The following SLC6A17 variants were observed in gnomAD, a reference collection of about 807,000 sequenced individuals.
SLC6A17 encodes sodium-dependent neutral amino acid transporter SLC6A17.
SLC6A17 carries 21 observed loss-of-function variants against 64.5 expected under a neutral mutation model. That is an observed-to-expected ratio of 0.33 (90% confidence interval 0.23 to 0.47). SLC6A17 has a LOEUF of 0.47. Ranked by LOEUF, SLC6A17 falls within the 20% of genes least tolerant of loss-of-function variation. The pLI, the probability that SLC6A17 is intolerant of heterozygous loss-of-function variation, is 1.00. For synonymous variants in SLC6A17, 372 were observed against 399.5 expected (o/e 0.93, Z 0.82); for missense variants, 682 against 963.2 (o/e 0.71, Z 3.86).
intron 11 of SLC6A17, 54 bp downstream of exon 11, chr1:110,197,653 A>C: frequency 6.6e-7 from 1 of 1,512,558 alleles, no homozygotes; most frequent in South Asian, 1.3e-5. Flanking sequence ...CAGGCCTTGA[A>C]TGCAACCACT....
At chr1:110,190,958 T>C (rs1656809867) in intron 6 of SLC6A17, among the ~76,000 whole-genome samples, 1 of 152,192 alleles carries the variant, frequency 6.6e-6, no homozygotes, top group Non-Finnish European at 1.5e-5. Flanking sequence ...TTTAAAAACA[T>C]GAATAGTAAT....
intron 1 of SLC6A17, among the ~76,000 whole-genome samples, chr1:110,159,271 G>T (rs1655837368): frequency 1.3e-5 from 2 of 151,944 alleles, no homozygotes. Flanking sequence ...TGCATGGGTT[G>T]GGGGGGTGCT....
Position 110,199,391 on chromosome 1 carries a change from C to T in SLC6A17, c.*947C>T, listed in dbSNP as rs1177243325. ...TGGTTTGGAGCACAATGGTGAAGCA[C>T]ACTCCCCTCCCTCCTCACCTGGGGT... On this transcript the variant is annotated 3_prime_UTR_variant, in exon 12 of 12. Transcript: ENST00000331565. 2.6e-5 allele frequency: 4 copies of T among 152,372 alleles called. No individual in the cohort carries two copies. Among genetic ancestry groups the T allele is most frequent in the Non-Finnish European group, 4.4e-5 (3 of 68,142 alleles). 9.4% of individuals were successfully genotyped at this position (152,372 alleles called of 1,614,324 possible).
At chr1:110,172,029 C>T in intron 2 of SLC6A17, 31 bp from the exon 3 acceptor site, 1 of 1,610,416 alleles carries the variant, frequency 6.2e-7, no homozygotes, top group Non-Finnish European at 8.5e-7. Flanking sequence ...TGCTCCAGAG[C>T]CCCTCTGCCA....
chr1:110,191,592 G>A (rs754067744), intron 6 of SLC6A17, among the ~76,000 whole-genome samples: 2 of 152,206 alleles, frequency 1.3e-5, no homozygotes, highest in Admixed American at 6.5e-5. Flanking sequence ...GGAGGCACCT[G>A]TCACACTGTA....
intron 6 of SLC6A17, among the ~76,000 whole-genome samples, chr1:110,186,546 C>T (rs763843512): frequency 7.9e-5 from 12 of 151,930 alleles, no homozygotes; most frequent in Middle Eastern, 3.4e-3. Flanking sequence ...GTCCTAAGAT[C>T]GTCCTCTTAT....
Position 110,198,532 on chromosome 1 carries a change from G to T in SLC6A17, c.*88G>T, listed in dbSNP as rs1657034894. The stretch of plus-strand genomic sequence containing the variant: ...GCCTCTTTCTTGAGGTGGCCACCAG[G>T]CCCAGGCCAGGCCCTTTGCCCAAGA... On this transcript the variant is annotated 3_prime_UTR_variant, in exon 12 of 12. Transcript: ENST00000331565. 6.6e-7 allele frequency: 1 copy of T among 1,519,532 alleles called. No homozygotes were observed. The allele number at this position is 1,519,532 out of a possible 1,614,324, so 94.1% of individuals were successfully genotyped here.
chr1:110,154,822 A>C (rs905962971), intron 1 of SLC6A17, among the ~76,000 whole-genome samples: 6 of 152,182 alleles, frequency 3.9e-5, no homozygotes, highest in Admixed American at 2.6e-4. Context: ...GATTTGTAGC[A>C]GTTTCTGGTG....
At position 110,192,538 on chromosome 1, in the gene SLC6A17, C is replaced by G. The variant is rs1656856640; in HGVS notation, c.1139C>G (p.Thr380Ser). ...GAGAAAATCCTAGGGTACCTTAACA[C>G]CAACGTCCTGAGCCGGGACCTCATC... ...NAEKILGYLN[T>S]NVLSRDLIPP... The change falls in exon 8 of 12, where the codon ACC becomes AGC. Residue 380 changes from threonine (T) to serine (S), a missense_variant. Thr to Ser is a moderately conservative substitution (Grantham distance 58). Transcript: ENST00000331565. This position sits in a 1 kb window ranked among gnomAD's most constrained non-coding sequence, Gnocchi z 4.3. 1 of 1,613,936 alleles carries G rather than the reference C, an allele frequency of 6.2e-7. No homozygotes were observed. The highest frequency in any genetic ancestry group is 1.7e-5 in the Admixed American group (1 of 59,992).
At chr1:110,154,957 C>T (rs1475736228) in intron 1 of SLC6A17, among the ~76,000 whole-genome samples, 1 of 152,206 alleles carries the variant, frequency 6.6e-6, no homozygotes, top group African/African-American at 2.4e-5. Flanking sequence ...CCCACTTTCT[C>T]CTCACTCCAA....
At chr1:110,159,412 A>G (rs113760918) in intron 1 of SLC6A17, among the ~76,000 whole-genome samples, 3,932 of 152,302 alleles carry the variant, frequency 0.026, 176 homozygotes, top group African/African-American at 0.088. Context: ...CCCCCTCTGG[A>G]CCATCTGCCC....
At chr1:110,153,041 G>C (rs1046869481) in intron 1 of SLC6A17, among the ~76,000 whole-genome samples, 1 of 152,198 alleles carries the variant, frequency 6.6e-6, no homozygotes, top group African/African-American at 2.4e-5. Flanking sequence ...CTGCTTAAGA[G>C]CAGGATTAGT....
intron 6 of SLC6A17, among the ~76,000 whole-genome samples, chr1:110,187,326 G>C (rs1656711678): frequency 6.6e-6 from 1 of 152,174 alleles, no homozygotes; most frequent in Non-Finnish European, 1.5e-5. Flanking sequence ...ACAGAAAAAG[G>C]AAAGTGACTT....
chr1:110,170,564 A>G (rs896616650), intron 2 of SLC6A17, among the ~76,000 whole-genome samples: 15 of 152,124 alleles, frequency 9.9e-5, no homozygotes, highest in Admixed American at 9.2e-4. Context: ...CCATTTCCCC[A>G]CACCCAAAAC....
chr1:110,169,736 G>T (rs918150827), intron 2 of SLC6A17, among the ~76,000 whole-genome samples: 1 of 152,140 alleles, frequency 6.6e-6, no homozygotes, highest in African/African-American at 2.4e-5. Flanking sequence ...ACAACTTTAG[G>T]CTCCTGAAAG....
At chr1:110,152,003 A>G (rs941075957) in intron 1 of SLC6A17, among the ~76,000 whole-genome samples, 2 of 152,186 alleles carry the variant, frequency 1.3e-5, no homozygotes, top group East Asian at 1.9e-4. Context: ...AATGGCTCCA[A>G]AAAAATTCGG....
intron 1 of SLC6A17, among the ~76,000 whole-genome samples, chr1:110,158,127 C>G (rs1655810178): frequency 6.6e-6 from 1 of 152,106 alleles, no homozygotes; most frequent in East Asian, 1.9e-4. Context: ...TCCAATGGAG[C>G]AGGGACATTA....
chr1:110,196,751 G>A (rs1258219030), intron 10 of SLC6A17, among the ~76,000 whole-genome samples: 2 of 152,134 alleles, frequency 1.3e-5, no homozygotes, highest in Non-Finnish European at 2.9e-5. Context: ...TCTAGCTATA[G>A]ATCTAATAAC....
chr1:110,187,742 G>GAGGCCAGC (rs978962987), intron 6 of SLC6A17, among the ~76,000 whole-genome samples: 4 of 152,214 alleles, frequency 2.6e-5, no homozygotes, highest in Non-Finnish European at 5.9e-5. Flanking sequence ...AATACCAGAG[G>GAGGCCAGC]AGGCCAGCCA....
Sources: allele counts gnomAD v4.1 joint callset (sites outside exome capture counted in the v4.1 genomes callset), GRCh38; gene constraint gnomAD v4.1.1; non-coding constraint Gnocchi (gnomAD v3.1); transcripts MANE v1.5; gene names NCBI Gene and HGNC (gene_info 2026-07-23, HGNC 2026-07-21).